The following FBXW10B variants were observed in gnomAD, a reference collection of about 807,000 sequenced individuals.
FBXW10B encodes the protein F-box and WD repeat domain containing 10B.
At chr17:15,584,088 C>T in the FBXW10B span, among the ~76,000 whole-genome samples, 3 of 152,164 alleles carry the variant, frequency 2.0e-5, no homozygotes, top group Non-Finnish European at 2.9e-5. Context: ...AGCAGTTTCA[C>T]ATCTAGGAAT....
the FBXW10B span, chr17:15,596,436 C>T: frequency 1.4e-5 from 19 of 1,347,980 alleles, no homozygotes; most frequent in Admixed American, 3.7e-4. Context: ...CTAGGATGAC[C>T]TGAGGAGCTA....
the FBXW10B span, chr17:15,565,790 C>T: frequency 4.3e-6 from 7 of 1,613,836 alleles, no homozygotes; most frequent in Non-Finnish European, 5.9e-6. Flanking sequence ...CGAGGCCGTT[C>T]TTTCTTAAGA....
chr17:15,580,826 A>G, the FBXW10B span, among the ~76,000 whole-genome samples: 1 of 151,970 alleles, frequency 6.6e-6, no homozygotes, highest in East Asian at 1.9e-4. Flanking sequence ...AGGCAATGAG[A>G]AATTTTAATG....
At chr17:15,582,161 T>G in the FBXW10B span, among the ~76,000 whole-genome samples, 2 of 146,680 alleles carry the variant, frequency 1.4e-5, no homozygotes, top group Non-Finnish European at 3.0e-5. Flanking sequence ...AGCCGATGGT[T>G]TTTGTTTTTT....
the FBXW10B span, chr17:15,607,795 G>A: frequency 5.2e-6 from 5 of 965,868 alleles, no homozygotes; most frequent in Non-Finnish European, 7.7e-6. Context: ...TTCTTCCTCT[G>A]AAGGCTGAGG....
chr17:15,591,092 GCTAGAGGC>G, the FBXW10B span, among the ~76,000 whole-genome samples: 8,609 of 152,136 alleles, frequency 0.057, 564 homozygotes, highest in African/African-American at 0.16. Flanking sequence ...CTTGCTGAGG[GCTAGAGGC>G]CCTTGTCACA....
At chr17:15,619,218 C>T in the FBXW10B span, 4 of 1,613,854 alleles carry the variant, frequency 2.5e-6, no homozygotes, top group African/African-American at 2.7e-5. Flanking sequence ...ACAACTTTCC[C>T]CTCTTTCTTG....
the FBXW10B span, chr17:15,613,572 A>G: frequency 6.7e-7 from 1 of 1,484,580 alleles, no homozygotes; most frequent in Non-Finnish European, 9.0e-7. Context: ...CACGAAAATG[A>G]AGCTGGTCTC....
chr17:15,604,604 G>C, the FBXW10B span, among the ~76,000 whole-genome samples: 1 of 152,004 alleles, frequency 6.6e-6, no homozygotes, highest in Non-Finnish European at 1.5e-5. Flanking sequence ...GCGCGATCTC[G>C]GCTCACTGCA....
At chr17:15,588,960 C>T in the FBXW10B span, 19 of 1,613,442 alleles carry the variant, frequency 1.2e-5, no homozygotes, top group East Asian at 8.9e-5. Flanking sequence ...TCAACATTTT[C>T]CTGTATACCT....
chr17:15,615,190 G>C, the FBXW10B span, among the ~76,000 whole-genome samples: 12 of 151,358 alleles, frequency 7.9e-5, no homozygotes, highest in Non-Finnish European at 1.6e-4. Flanking sequence ...TAATGTCAAA[G>C]AGCCCAGCAC....
the FBXW10B span, among the ~76,000 whole-genome samples, chr17:15,567,126 G>T: frequency 6.6e-6 from 1 of 151,674 alleles, no homozygotes; most frequent in Non-Finnish European, 1.5e-5. Context: ...AAAAAAATTA[G>T]CCGGGCGTGG....
At chr17:15,577,800 A>G in the FBXW10B span, among the ~76,000 whole-genome samples, 1 of 152,128 alleles carries the variant, frequency 6.6e-6, no homozygotes, top group South Asian at 2.1e-4. Flanking sequence ...TCATTTGGGC[A>G]CCATTCTTAA....
chr17:15,601,420 A>G, the FBXW10B span, among the ~76,000 whole-genome samples: 1 of 151,600 alleles, frequency 6.6e-6, no homozygotes, highest in Non-Finnish European at 1.5e-5. Context: ...AAAAAAAAAA[A>G]AAAAAAAAAG....
the FBXW10B span, among the ~76,000 whole-genome samples, chr17:15,609,852 C>CTTTCTTTTTTTT: frequency 9.7e-6 from 1 of 103,184 alleles, no homozygotes; most frequent in African/African-American, 4.0e-5. Flanking sequence ...TTCTTTCTTT[C>CTTTCTTTTTTTT]TTTTTTTTTT....
the FBXW10B span, among the ~76,000 whole-genome samples, chr17:15,604,784 A>T: frequency 1.3e-5 from 2 of 151,838 alleles, no homozygotes; most frequent in Non-Finnish European, 2.9e-5. Context: ...TGACCCGCCC[A>T]CCTCGGCCTC....
the FBXW10B span, among the ~76,000 whole-genome samples, chr17:15,580,098 T>C: frequency 6.6e-6 from 1 of 151,110 alleles, no homozygotes; most frequent in East Asian, 1.9e-4. Flanking sequence ...ATATGAGTTT[T>C]GAAATAAATC....
At chr17:15,611,683 A>G in the FBXW10B span, among the ~76,000 whole-genome samples, 4 of 152,294 alleles carry the variant, frequency 2.6e-5, no homozygotes, top group East Asian at 1.9e-4. Context: ...TAGCTGCCTT[A>G]TGGGAAGCGA....
At chr17:15,588,804 T>C in the FBXW10B span, 2 of 1,320,052 alleles carry the variant, frequency 1.5e-6, no homozygotes, top group Non-Finnish European at 2.2e-6. Flanking sequence ...GGCAGTGTGA[T>C]TGAGTTGAGT....
Sources: allele counts gnomAD v4.1 joint callset (sites outside exome capture counted in the v4.1 genomes callset), GRCh38; gene constraint gnomAD v4.1.1; transcripts MANE v1.5; gene names NCBI Gene and HGNC (gene_info 2026-07-23, HGNC 2026-07-21).